KCNMB2: variants seen among roughly 807,000 people sequenced by gnomAD.
KCNMB2 encodes the protein potassium calcium-activated channel subfamily M regulatory beta subunit 2.
KCNMB2 carries 9 observed loss-of-function variants against 24.5 expected under a neutral mutation model. The ratio of observed to expected loss-of-function variants is 0.37; its 90% CI spans 0.22 to 0.64. The LOEUF (loss-of-function observed/expected upper bound fraction) is 0.64, where lower values mean the gene tolerates loss of function less well. Ranked by LOEUF, KCNMB2 falls within the 30% of genes least tolerant of loss-of-function variation. The pLI is 0.63. For missense variants in KCNMB2, 226 were observed against 284.3 expected (o/e 0.79, Z 1.47); for synonymous variants, 109 against 104.4 (o/e 1.04, Z -0.27).
rs146345745 is a variant in KCNMB2 at position 178,659,268 on chromosome 3, G to T, written c.-68+122557G>T. On this transcript the variant is annotated intron_variant, in intron 1 of 4. Transcript: ENST00000452583. ...ATTTGATTTCAAGCCAGAATGTTCTGCATCCTCAGGTTTCCAGCCAGACAA... is the reference window on the plus strand; with the variant it reads ...ATTTGATTTCAAGCCAGAATGTTCTTCATCCTCAGGTTTCCAGCCAGACAA... 8.5e-5 allele frequency among the ~76,000 whole-genome samples: 13 copies of T among 152,314 alleles called. No individual in the cohort carries two copies. In the East Asian group the frequency reaches 2.5e-3, roughly 29 times the overall value.
At chr3:178,687,387 G>A (rs1721506343) in intron 1 of KCNMB2, among the ~76,000 whole-genome samples, 1 of 152,088 alleles carries the variant, frequency 6.6e-6, no homozygotes, top group African/African-American at 2.4e-5. Flanking sequence ...ATGCTTCAGT[G>A]TACTTATGGG....
intron 1 of KCNMB2, among the ~76,000 whole-genome samples, chr3:178,644,724 C>T (rs80226777): frequency 0.01 from 1,593 of 152,312 alleles, 11 homozygotes; most frequent in Non-Finnish European, 0.017. Flanking sequence ...AATTGTGAGG[C>T]AGAGTAGCAG....
At chr3:178,656,806 T>C (rs982669661) in intron 1 of KCNMB2, among the ~76,000 whole-genome samples, 54 of 152,060 alleles carry the variant, frequency 3.6e-4, no homozygotes, top group Admixed American at 3.3e-3. Flanking sequence ...GCTGTACTCA[T>C]TTTGACCTAT....
intron 1 of KCNMB2, among the ~76,000 whole-genome samples, chr3:178,548,453 T>A (rs1262033336): frequency 1.3e-5 from 2 of 152,162 alleles, no homozygotes; most frequent in African/African-American, 4.8e-5. Flanking sequence ...GATGGCCAGG[T>A]GAATTTCTAG....
intron 1 of KCNMB2, among the ~76,000 whole-genome samples, chr3:178,662,496 A>T (rs1368822095): frequency 6.6e-6 from 1 of 152,168 alleles, no homozygotes; most frequent in African/African-American, 2.4e-5. Context: ...TACAAAATTC[A>T]CACCATTATG....
At chr3:178,798,403 G>C (rs1435873338) in intron 1 of KCNMB2, among the ~76,000 whole-genome samples, 1 of 151,930 alleles carries the variant, frequency 6.6e-6, no homozygotes, top group Non-Finnish European at 1.5e-5. Flanking sequence ...TTGTTTGTTT[G>C]TTTGTTTGCT....
chr3:178,642,190 A>G (rs550948917), intron 1 of KCNMB2, among the ~76,000 whole-genome samples: 48 of 152,348 alleles, frequency 3.2e-4, no homozygotes, highest in African/African-American at 1.1e-3. Flanking sequence ...AAATACACAT[A>G]TGGGATATTT....
At chr3:178,607,540 TTTA>T (rs1016069623) in intron 1 of KCNMB2, among the ~76,000 whole-genome samples, 1 of 152,036 alleles carries the variant, frequency 6.6e-6, no homozygotes, top group African/African-American at 2.4e-5. Flanking sequence ...TATCTGAGAG[TTTA>T]TATACAGGAT....
rs559401606 is a variant in KCNMB2, at chr3:178,627,348, T to C, written c.-68+90637T>C. Among the ~76,000 whole-genome samples, 52 of 152,324 alleles carry C rather than the reference T, an allele frequency of 3.4e-4. 1 individual carries two copies. In the South Asian group the frequency reaches 0.01, roughly 30 times the overall value. ...TTTGAAACAAGAATTTGAAGCCTGA[T>C]GTTGTGGCTTTGAACATCCATTTTG... On this transcript the variant is annotated intron_variant, in intron 1 of 4. Coordinates refer to ENST00000452583, the MANE Select transcript of KCNMB2 (RefSeq NM_181361.3).
At chr3:178,672,101 G>T (rs1039048364) in intron 1 of KCNMB2, among the ~76,000 whole-genome samples, 6 of 152,186 alleles carry the variant, frequency 3.9e-5, no homozygotes, top group Admixed American at 2.6e-4. Context: ...TGTAGCACAG[G>T]ACTGGCTGAT....
At chr3:178,665,031 T>C (rs1253446324) in intron 1 of KCNMB2, among the ~76,000 whole-genome samples, 4 of 152,142 alleles carry the variant, frequency 2.6e-5, no homozygotes, top group African/African-American at 9.6e-5. Context: ...CTATAAGAGT[T>C]TTTATTACTT....
chr3:178,676,895 A>G (rs1335590439), intron 1 of KCNMB2, among the ~76,000 whole-genome samples: 4 of 152,096 alleles, frequency 2.6e-5, no homozygotes, highest in Non-Finnish European at 5.9e-5. Flanking sequence ...CTGAGCCCTC[A>G]CTAGAGTGTG....
At chr3:178,614,330 T>C (rs1718626648) in intron 1 of KCNMB2, among the ~76,000 whole-genome samples, 1 of 124,670 alleles carries the variant, frequency 8.0e-6, no homozygotes, top group Non-Finnish European at 1.7e-5. Flanking sequence ...TATATATATG[T>C]ATGTATATAT....
At chr3:178,839,684 CA>C (rs752470459) in intron 4 of KCNMB2, among the ~76,000 whole-genome samples, 29 of 152,086 alleles carry the variant, frequency 1.9e-4, no homozygotes, top group Non-Finnish European at 3.5e-4. Flanking sequence ...GCATGAGGGC[CA>C]GGGGGCTGCC....
chr3:178,551,272 G>T (rs1206815218), intron 1 of KCNMB2, among the ~76,000 whole-genome samples: 1 of 152,128 alleles, frequency 6.6e-6, no homozygotes, highest in Admixed American at 6.5e-5. Context: ...ATTACACATT[G>T]AATTCACTCT....
chr3:178,561,140 C>T (rs776949044), intron 1 of KCNMB2, among the ~76,000 whole-genome samples: 5 of 152,178 alleles, frequency 3.3e-5, no homozygotes, highest in African/African-American at 7.2e-5. Context: ...TGTATCATCT[C>T]ACTCCACTAA....
chr3:178,785,409 T>C (rs974086334), intron 1 of KCNMB2, among the ~76,000 whole-genome samples: 2 of 151,942 alleles, frequency 1.3e-5, no homozygotes, highest in Non-Finnish European at 2.9e-5. Context: ...TAATTGATAA[T>C]TGCCATACAG....
rs1278032986 is a variant in KCNMB2, at chr3:178,825,731, T to A, written c.200T>A (p.Ile67Asn). 5.6e-6 allele frequency: 9 copies of A among 1,613,748 alleles called. No individual in the cohort carries two copies. Among genetic ancestry groups the A allele is most frequent in the Non-Finnish European group, 7.6e-6 (9 of 1,179,732 alleles). ...ATCATGATGTATTTTCTGCTGGGAA[T>A]CACACTCCTGCGCTCATACATGCAG... ...CSIMMYFLLG[I>N]TLLRSYMQSV... Residue 67 changes from isoleucine to asparagine, a missense_variant, in exon 3 of 5, where the codon ATC (isoleucine) becomes AAC (asparagine). Ile to Asn is a moderately radical substitution (Grantham distance 149, BLOSUM62 -3). Transcript: ENST00000452583.
chr3:178,843,102 G>A lies in KCNMB2; in HGVS notation c.*165G>A, dbSNP rs537038194. On this transcript the variant is annotated 3_prime_UTR_variant, in exon 5 of 5. Transcript: ENST00000452583. ...AAGCTGTTCTATATGCAAACATGAT[G>A]TCTTTATTATTCAGGAGAATAAATA... is the stretch of plus-strand genomic sequence containing the variant. 1 of 682,610 alleles carries A rather than the reference G, an allele frequency of 1.5e-6. No individual in the cohort carries two copies. Among genetic ancestry groups the A allele is most frequent in the African/African-American group, 1.8e-5 (1 of 56,224 alleles). The allele number at this position is 682,610 out of a possible 1,614,324, so 42.3% of individuals were successfully genotyped here.
Sources: gnomAD v4.1 joint callset for allele counts (sites outside exome capture counted in the v4.1 genomes callset) on GRCh38, gnomAD v4.1.1 for gene constraint, MANE v1.5 for transcripts, NCBI Gene and HGNC (gene_info 2026-07-23, HGNC 2026-07-21) for gene names.